Variants in RPP30 observed in about 807,000 individuals in gnomAD.
The protein encoded by RPP30 is ribonuclease P/MRP subunit p30.
In RPP30, 36 loss-of-function variants were observed where a neutral mutation model predicts 38.6. The ratio of observed to expected loss-of-function variants is 0.93; its 90% CI spans 0.71 to 1.23. The LOEUF (loss-of-function observed/expected upper bound fraction) is 1.23, where lower values mean the gene tolerates loss of function less well. RPP30 is among the 50% of genes most tolerant of loss of function. The probability of loss-of-function intolerance (pLI) is 0.00; values close to 1 mark genes in which losing one functional copy is unlikely to be tolerated. For synonymous variants in RPP30, 126 were observed against 112.7 expected, an observed-to-expected ratio of 1.12 and a Z score of -0.75; for missense variants, 321 against 321.7, an observed-to-expected ratio of 1.00 and a Z score of 0.02.
downstream of RPP30, chr10:90,902,312 G>T: frequency 2.5e-6 from 1 of 396,932 alleles, no homozygotes. Context: ...TTGCCTCTTG[G>T]GCTCAAGCCA....
intron 3 of RPP30, 110 bp from the exon 4 acceptor site, chr10:90,875,914 C>T: frequency 1.5e-6 from 1 of 663,360 alleles, no homozygotes; most frequent in Non-Finnish European, 2.7e-6. Context: ...TTTTATTGAT[C>T]TTCACTATCC....
At position 90,891,716 on chromosome 10, in the gene RPP30, T is replaced by C. The variant is rs947110254; in HGVS notation, c.433-3059T>C. Among the ~76,000 whole-genome samples the C allele has an allele frequency of 3.9e-5, 6 of 152,296 alleles. No homozygotes were observed. The East Asian group carries it at 1.2e-3, about 29-fold the overall frequency. On this transcript the variant is annotated intron_variant, in intron 6 of 10. Transcript: ENST00000371703. ...GACAACAATGCAGCAGACTACCTTT[T>C]GGATAGGAAAGAAAAATAGTATCTC...
chr10:90,888,323 G>A (rs1847027517), intron 6 of RPP30, among the ~76,000 whole-genome samples: 4 of 152,214 alleles, frequency 2.6e-5, no homozygotes, highest in Admixed American at 2.6e-4. Context: ...GGACAGCAAT[G>A]CACAACAGAT....
intron 6 of RPP30, among the ~76,000 whole-genome samples, chr10:90,889,453 A>G (rs1847046040): frequency 6.6e-6 from 1 of 151,506 alleles, no homozygotes; most frequent in Non-Finnish European, 1.5e-5. Context: ...GGGATTACAG[A>G]CATCCGCCAC....
chr10:90,874,820 AAGGAG>A (rs769127865), intron 1 of RPP30, 44 bp from the exon 2 acceptor site: 7 of 1,296,052 alleles, frequency 5.4e-6, no homozygotes, highest in African/African-American at 1.5e-5. Flanking sequence ...GTGTTACAGG[AAGGAG>A]AGGTTGTTAT....
downstream of RPP30, chr10:90,902,347 A>G (rs1486805536): frequency 1.0e-5 from 4 of 386,090 alleles, no homozygotes; most frequent in East Asian, 2.4e-4. Flanking sequence ...CCTCCCAAGT[A>G]AGTGGGACCA....
At chr10:90,879,957 A>G (rs956082981) in intron 5 of RPP30, 3 of 152,230 alleles carry the variant, frequency 2.0e-5, no homozygotes, top group African/African-American at 7.2e-5. Context: ...GAAACTTCTG[A>G]AAGTTGCCTT....
chr10:90,889,669 C>T (rs1847049887), intron 6 of RPP30, among the ~76,000 whole-genome samples: 1 of 152,078 alleles, frequency 6.6e-6, no homozygotes, highest in African/African-American at 2.4e-5. Context: ...AATCATTCAT[C>T]TTTTACCAAT....
chr10:90,904,444 T>C (rs1380711450), downstream of RPP30, among the ~76,000 whole-genome samples: 1 of 152,186 alleles, frequency 6.6e-6, no homozygotes, highest in Non-Finnish European at 1.5e-5. Context: ...TCTCCCTACC[T>C]GTCACATTAT....
intron 6 of RPP30, among the ~76,000 whole-genome samples, chr10:90,892,492 C>A (rs1333999839): frequency 6.6e-6 from 1 of 151,262 alleles, no homozygotes; most frequent in African/African-American, 2.4e-5. Flanking sequence ...TCCTTTTTTT[C>A]TCCCCTCCCC....
chr10:90,876,021 T>C lies in RPP30; in HGVS notation c.196-3T>C, dbSNP rs764613024. On this transcript the variant is annotated splice_polypyrimidine_tract_variant and splice_region_variant and intron_variant, in intron 3 of 10. Transcript: ENST00000371703. ...TTTTTGACATCATGTCTTTTTTAAA[T>C]AGGGAAAATCAAGACCAATTAAAAT... 4 of 1,480,332 alleles carry C rather than the reference T, an allele frequency of 2.7e-6. No homozygotes were observed. In the South Asian group the frequency reaches 3.4e-5, roughly 13 times the overall value. 91.7% of individuals were successfully genotyped at this position (1,480,332 alleles called of 1,614,324 possible).
chr10:90,903,607 A>G (rs1049529806), downstream of RPP30, among the ~76,000 whole-genome samples: 10 of 152,232 alleles, frequency 6.6e-5, no homozygotes. Flanking sequence ...TCATGATAGT[A>G]GGGCATGATG....
At position 90,900,782 on chromosome 10, in the gene RPP30, G is replaced by C; in HGVS notation, c.*103G>C. 1 of 1,457,126 alleles carries C rather than the reference G, an allele frequency of 6.9e-7. No individual in the cohort carries two copies. 90.3% of individuals were successfully genotyped at this position (1,457,126 alleles called of 1,614,324 possible). A position where few individuals can be genotyped will look rare whatever the true frequency, so the allele number is the denominator to read the frequency against. On this transcript the variant is annotated 3_prime_UTR_variant, in exon 11 of 11. Transcript: ENST00000371703. ...GTGTGATTTACTGTTTTCATTTGGA[G>C]CTAGAAATCAATAGTCTATAAAAAC...
At position 90,876,065 on chromosome 10, in the gene RPP30, T is replaced by G. The variant is rs778210249; in HGVS notation, c.237T>G (p.Ile79Met). The part of the protein sequence containing the change: ...RPIKILTRLT[I>M]IVSDPSHCNV... ...TTAAAATTTTAACTAGATTAACAAT[T>G]ATTGTCTCGGATCCATCTCACTGCA... The change falls in exon 4 of 11, where the codon ATT becomes ATG. Residue 79 changes from isoleucine to methionine, a missense_variant. Transcript: ENST00000371703. 5.7e-6 allele frequency: 9 copies of G among 1,583,036 alleles called. No individual in the cohort carries two copies. Among genetic ancestry groups the G allele is most frequent in the Non-Finnish European group, 2.6e-6 (3 of 1,152,064 alleles).
At position 90,885,800 on chromosome 10, in the gene RPP30, T is replaced by C; in HGVS notation, c.343-12T>C. 6.3e-7 allele frequency: 1 copy of C among 1,595,956 alleles called. No individual in the cohort carries two copies. Among genetic ancestry groups the C allele is most frequent in the Non-Finnish European group, 8.6e-7 (1 of 1,166,562 alleles). On this transcript the variant is annotated splice_polypyrimidine_tract_variant and intron_variant, in intron 5 of 10. Coordinates refer to ENST00000371703, the MANE Select transcript of RPP30 (RefSeq NM_006413.5). ...TTCCTTTTGGCCTTACCTATTTTTT[T>C]CTTCTTTACAGATTGCTTGCACACA...
intron 6 of RPP30, among the ~76,000 whole-genome samples, chr10:90,887,131 C>G (rs1263057603): frequency 6.6e-6 from 1 of 151,970 alleles, no homozygotes; most frequent in Non-Finnish European, 1.5e-5. Flanking sequence ...CCACACCTGG[C>G]TAATTTTTTT....
intron 7 of RPP30, 103 bp from the exon 8 acceptor site, chr10:90,895,351 T>A: frequency 1.5e-6 from 1 of 680,996 alleles, no homozygotes; most frequent in South Asian, 2.0e-5. Flanking sequence ...GAAGTTGGTA[T>A]TTGAGCCTTA....
chr10:90,890,523 A>G (rs902634076), intron 6 of RPP30, among the ~76,000 whole-genome samples: 1 of 152,182 alleles, frequency 6.6e-6, no homozygotes, highest in South Asian at 2.1e-4. Flanking sequence ...AGTAAGTAGT[A>G]TCTAAACAGT....
At chr10:90,885,228 A>G (rs982265728) in intron 5 of RPP30, among the ~76,000 whole-genome samples, 1 of 152,236 alleles carries the variant, frequency 6.6e-6, no homozygotes, top group Non-Finnish European at 1.5e-5. Context: ...TGCATTCATT[A>G]TCATTTGCTT....
Sources: gnomAD v4.1 joint callset for allele counts (sites outside exome capture counted in the v4.1 genomes callset) on GRCh38, gnomAD v4.1.1 for gene constraint, MANE v1.5 for transcripts, NCBI Gene and HGNC (gene_info 2026-07-23, HGNC 2026-07-21) for gene names.